Variants in CRTC3 observed in about 807,000 individuals in gnomAD.
CRTC3 encodes the protein CREB-regulated transcription coactivator 3.
Under a neutral mutation model 74.5 loss-of-function variants are expected in CRTC3, and 26 were observed. The observed-to-expected ratio is 0.35, with a 90% CI of 0.26 to 0.48. The LOEUF (loss-of-function observed/expected upper bound fraction) is 0.48. CRTC3 is among the 20% of genes least tolerant of loss of function. The pLI, the probability that CRTC3 is intolerant of heterozygous loss-of-function variation, is 0.99. For synonymous variants in CRTC3, 377 were observed against 325.8 expected (o/e 1.16, Z -1.69); for missense variants, 760 against 787.3 (o/e 0.97, Z 0.41).
At chr15:90,535,948 A>G (rs1475966425) in intron 1 of CRTC3, among the ~76,000 whole-genome samples, 2 of 152,168 alleles carry the variant, frequency 1.3e-5, no homozygotes, top group East Asian at 3.8e-4. Flanking sequence ...ATCACAGTGA[A>G]TGTCTGTATA....
chr15:90,551,387 A>G (rs1432253661), intron 2 of CRTC3, among the ~76,000 whole-genome samples: 1 of 152,090 alleles, frequency 6.6e-6, no homozygotes, highest in Middle Eastern at 3.4e-3. Flanking sequence ...TATGTTAGTC[A>G]CTAGTCATTT....
intron 2 of CRTC3, among the ~76,000 whole-genome samples, chr15:90,563,333 G>T (rs1256403112): frequency 1.3e-5 from 2 of 152,102 alleles, no homozygotes; most frequent in Non-Finnish European, 2.9e-5. Flanking sequence ...TTGAACCGAG[G>T]AGGCGGAAGT....
chr15:90,595,723 G>A (rs1967908232), intron 3 of CRTC3: 1 of 152,120 alleles, frequency 6.6e-6, no homozygotes, highest in Non-Finnish European at 1.5e-5. Flanking sequence ...CGGTCTAAAT[G>A]TATAAGCATG....
At chr15:90,610,301 G>A (rs997630667) in intron 6 of CRTC3, among the ~76,000 whole-genome samples, 1 of 152,212 alleles carries the variant, frequency 6.6e-6, no homozygotes, top group African/African-American at 2.4e-5. Flanking sequence ...TGGGTTCTAT[G>A]TTCGAAGCAA....
chr15:90,632,075 T>TA (rs1037112799), intron 11 of CRTC3, among the ~76,000 whole-genome samples: 1 of 56,382 alleles, frequency 1.8e-5, no homozygotes, highest in African/African-American at 5.7e-5. Flanking sequence ...CTAATTTTTG[T>TA]ATTTTTTTTT....
At chr15:90,572,161 C>CAAA (rs56906718) in intron 2 of CRTC3, among the ~76,000 whole-genome samples, 5 of 124,412 alleles carry the variant, frequency 4.0e-5, no homozygotes, top group Admixed American at 8.3e-5. Flanking sequence ...GATTCTTTCT[C>CAAA]AAAAAAAAAA....
intron 2 of CRTC3, among the ~76,000 whole-genome samples, chr15:90,545,628 G>C (rs1031035087): frequency 6.6e-6 from 1 of 151,780 alleles, no homozygotes; most frequent in East Asian, 1.9e-4. Context: ...CCAGGCTGGA[G>C]TGCAGTGGCA....
chr15:90,548,191 G>A (rs987155558), intron 2 of CRTC3, among the ~76,000 whole-genome samples: 2 of 152,042 alleles, frequency 1.3e-5, no homozygotes, highest in Admixed American at 6.6e-5. Context: ...TCCCAGCCTC[G>A]TATCCTTTAT....
At chr15:90,575,609 A>G (rs1295977095) in intron 2 of CRTC3, among the ~76,000 whole-genome samples, 1 of 152,206 alleles carries the variant, frequency 6.6e-6, no homozygotes, top group Admixed American at 6.5e-5. Context: ...TACTTCCATC[A>G]TAAACTAAAT....
At chr15:90,609,971 C>T (rs1393722472) in intron 6 of CRTC3, among the ~76,000 whole-genome samples, 2 of 152,172 alleles carry the variant, frequency 1.3e-5, no homozygotes, top group Admixed American at 6.5e-5. Context: ...GAACTGTGTG[C>T]CTGCTCCTGC....
chr15:90,577,996 A>G (rs940002710), intron 2 of CRTC3, among the ~76,000 whole-genome samples: 10 of 152,114 alleles, frequency 6.6e-5, no homozygotes, highest in African/African-American at 2.4e-4. Context: ...TGCAACCTCC[A>G]TCTCCCGGAT....
chr15:90,566,708 C>G (rs140392806), intron 2 of CRTC3, among the ~76,000 whole-genome samples: 1 of 122,424 alleles, frequency 8.2e-6, no homozygotes, highest in South Asian at 3.0e-4. Flanking sequence ...TTCTTTCCTC[C>G]TTTCTTTTTT....
In CRTC3 at chr15:90,557,621, A is replaced by G. The variant is rs74436133; in HGVS notation, c.231+17484A>G. Among the ~76,000 whole-genome samples, 470 of 152,144 alleles carry G rather than the reference A, an allele frequency of 3.1e-3. 6 individuals are homozygous for G. The highest frequency in any genetic ancestry group is 0.011 in the African/African-American group (454 of 41,504). Reference sequence around the variant, plus strand: ...AATATGCTGAGATCACCCTGGTAATATGGTGGAGTACAGACAGAGCCGGGT... The same window carrying G: ...AATATGCTGAGATCACCCTGGTAATGTGGTGGAGTACAGACAGAGCCGGGT... On this transcript the variant is annotated intron_variant, in intron 2 of 14. Transcript: ENST00000268184.
At chr15:90,614,921 G>A (rs926143696) in intron 7 of CRTC3, among the ~76,000 whole-genome samples, 4 of 152,008 alleles carry the variant, frequency 2.6e-5, no homozygotes, top group East Asian at 1.9e-4. Context: ...AAAATTAGCC[G>A]GGCGTGGTGG....
At chr15:90,577,376 A>G (rs1046132948) in intron 2 of CRTC3, among the ~76,000 whole-genome samples, 5 of 152,224 alleles carry the variant, frequency 3.3e-5, no homozygotes, top group Non-Finnish European at 5.9e-5. Flanking sequence ...GAGTAAGTCA[A>G]TTATAGTGTT....
Position 90,630,871 on chromosome 15 carries a change from G to A in CRTC3, c.1266+1339G>A, listed in dbSNP as rs1192430634. 5.3e-5 allele frequency among the ~76,000 whole-genome samples: 2 copies of A among 37,998 alleles called. 1 individual carries two copies. Among genetic ancestry groups the A allele is most frequent in the Non-Finnish European group, 1.4e-4 (2 of 13,888 alleles). The allele number at this position is 37,998 out of a possible 152,430, so 24.9% of individuals were successfully genotyped here. On this transcript the variant is annotated intron_variant, in intron 11 of 14. Coordinates refer to ENST00000268184, the MANE Select transcript of CRTC3 (RefSeq NM_022769.5). ...CGGCTCACTGCAAGCTCCGCTTCCC[G>A]GGTTCACGCCATTCTCCTGCCTCAG... is the stretch of plus-strand genomic sequence containing the variant.
intron 9 of CRTC3, 129 bp from the exon 10 acceptor site, chr15:90,625,647 A>C: frequency 2.6e-6 from 2 of 779,496 alleles, no homozygotes; most frequent in Non-Finnish European, 2.2e-6. Flanking sequence ...AGAATCAGAG[A>C]GGCCGCACCA....
chr15:90,550,547 T>C (rs1421049596), intron 2 of CRTC3, among the ~76,000 whole-genome samples: 1 of 151,796 alleles, frequency 6.6e-6, no homozygotes, highest in Non-Finnish European at 1.5e-5. Context: ...GGCACTGTCA[T>C]GGAGTTATTT....
At chr15:90,601,218 G>T (rs924633940) in intron 3 of CRTC3, among the ~76,000 whole-genome samples, 2 of 152,128 alleles carry the variant, frequency 1.3e-5, no homozygotes, top group Non-Finnish European at 2.9e-5. Context: ...CATCCCATTT[G>T]TGTCTCCGTG....
Sources: allele counts gnomAD v4.1 joint callset (sites outside exome capture counted in the v4.1 genomes callset), GRCh38; gene constraint gnomAD v4.1.1; transcripts MANE v1.5; gene names NCBI Gene and HGNC (gene_info 2026-07-23, HGNC 2026-07-21).